CLTB: variants seen among roughly 807,000 people sequenced by gnomAD.
CLTB encodes clathrin, light chain (Lcb).
Under a neutral mutation model 30.5 loss-of-function variants are expected in CLTB, and 10 were observed. The ratio of observed to expected loss-of-function variants is 0.33; its 90% CI spans 0.20 to 0.56. CLTB has a LOEUF of 0.56. Ranked by LOEUF, CLTB falls within the 20% of genes least tolerant of loss-of-function variation. The probability of loss-of-function intolerance (pLI) is 0.91; values close to 1 mark genes in which losing one functional copy is unlikely to be tolerated. For synonymous variants in CLTB, 102 were observed against 120.3 expected (o/e 0.85, Z 1.00); for missense variants, 261 against 308.3 (o/e 0.85, Z 1.15).
Position 176,410,238 on chromosome 5 carries a change from G to A in CLTB, c.234+19C>T. 1 of 1,612,812 alleles carries A rather than the reference G, an allele frequency of 6.2e-7. No individual in the cohort carries two copies. On this transcript the variant is annotated intron_variant, in intron 2 of 5. Transcript: ENST00000310418. ...AGGGCTGTTGGTCCTTACCACTGCT[G>A]AGACAGAGCCTTGCTTACCTGAAAC...
intron 2 of CLTB, among the ~76,000 whole-genome samples, chr5:176,404,881 T>C (rs1757029068): frequency 6.6e-6 from 1 of 152,194 alleles, no homozygotes; most frequent in South Asian, 2.1e-4. Flanking sequence ...CAGAACCCCC[T>C]GCCAGTGTCC....
Position 176,397,950 on chromosome 5 carries a change from C to G in CLTB, c.332G>C (p.Arg111Thr). ...ESIRKWREEQ[R>T]KRLQELDAAS... ...CTCACCCAGCTCTTGCAGCCGTTTC[C>G]TCTGCTCCTCTCGCCACTTGCGGAT... Residue 111 changes from arginine to threonine, a missense_variant, in exon 3 of 6, where the codon AGG becomes ACG. Around this residue, in one of 3 missense-constraint regions of CLTB, gnomAD observed 123 missense variants for 157.0 expected, o/e 0.78. Coordinates refer to ENST00000310418, the MANE Select transcript of CLTB (RefSeq NM_007097.5). 1 of 1,614,026 alleles carries G rather than the reference C, an allele frequency of 6.2e-7. No individual in the cohort carries two copies. Among genetic ancestry groups the G allele is most frequent in the Non-Finnish European group, 8.5e-7 (1 of 1,180,028 alleles).
At chr5:176,406,359 C>T (rs892057996) in intron 2 of CLTB, 30 of 1,116,848 alleles carry the variant, frequency 2.7e-5, no homozygotes, top group Non-Finnish European at 3.2e-5. Context: ...TCCTGAGGGG[C>T]CCCTCTGCTG....
chr5:176,401,864 T>C (rs1476093530), intron 2 of CLTB: 2 of 438,774 alleles, frequency 4.6e-6, no homozygotes, highest in East Asian at 1.4e-4. Context: ...GGGCCTGTCA[T>C]CACAATCTCT....
In CLTB at chr5:176,398,032, C is replaced by T; in HGVS notation, c.250G>A (p.Ala84Thr). 6.2e-7 allele frequency: 1 copy of T among 1,614,004 alleles called. No homozygotes were observed. Among genetic ancestry groups the T allele is most frequent in the South Asian group, 1.1e-5 (1 of 91,092 alleles). Residue 84 changes from alanine (A) to threonine (T), a missense_variant, in exon 3 of 6, where the codon GCT (alanine) becomes ACT (threonine). Physicochemically the swap from Ala to Thr is moderately conservative, Grantham distance 58. Transcript: ENST00000310418. The part of the protein sequence containing the change: ...GDVFQEANGP[A>T]DGYAAIAQAD... ...TGGGCAATGGCTGCGTAGCCATCAGCAGGACCGTTGGCCTCCTAGAACACA... is the reference window on the plus strand; with the variant it reads ...TGGGCAATGGCTGCGTAGCCATCAGTAGGACCGTTGGCCTCCTAGAACACA...
chr5:176,406,721 G>C (rs766839366), intron 2 of CLTB: 55 of 1,281,358 alleles, frequency 4.3e-5, no homozygotes, highest in Middle Eastern at 2.3e-4. Context: ...GCAGAAAAGA[G>C]GAAGAAAGGA....
chr5:176,415,325 C>A (rs1045287043), intron 1 of CLTB, among the ~76,000 whole-genome samples: 3 of 152,202 alleles, frequency 2.0e-5, no homozygotes, highest in Non-Finnish European at 2.9e-5. Flanking sequence ...GTGTCTAACT[C>A]AGAGCCAGAC....
At position 176,393,133 on chromosome 5, in the gene CLTB, G is replaced by A. The variant is rs1173332851; in HGVS notation, c.519-188C>T. ...AGCTTGGTCCTGCCTCAGGACCTTG[G>A]CACTTGCTATCACCTCTTCCTGGAA... On this transcript the variant is annotated intron_variant, in intron 5 of 5. Coordinates refer to ENST00000310418, the MANE Select transcript of CLTB (RefSeq NM_007097.5). The surrounding 1 kb of genome is among the most constrained non-coding windows in gnomAD (Gnocchi z 4.4). Among the ~76,000 whole-genome samples, 1 of 152,100 alleles carries A rather than the reference G, an allele frequency of 6.6e-6. No homozygotes were observed. Among genetic ancestry groups the A allele is most frequent in the East Asian group, 1.9e-4 (1 of 5,186 alleles).
chr5:176,401,798 C>T (rs1756834315), intron 2 of CLTB: 1 of 455,822 alleles, frequency 2.2e-6, no homozygotes, highest in South Asian at 1.5e-5. Flanking sequence ...AGGCCCCAGC[C>T]TCCTGTTCGT....
At position 176,416,331 on chromosome 5, in the gene CLTB, CG is replaced by C; in HGVS notation, c.32del (p.Ser11TrpfsTer28). On this transcript the variant is annotated frameshift_variant, in exon 1 of 6. Coordinates refer to ENST00000310418, the MANE Select transcript of CLTB (RefSeq NM_007097.5). LOFTEE classifies it high-confidence loss of function. ...CCGCCGCCTCCGGGGCACCGCTCTC[CG>C]ACGACGAGAAGAAGCCAAAGTCATC... MADDFGFFSS[S>X]ESGAPEAAEE... 6.2e-7 allele frequency: 1 copy of C among 1,601,666 alleles called. No individual in the cohort carries two copies. The highest frequency in any genetic ancestry group is 8.5e-7 in the Non-Finnish European group (1 of 1,175,858).
chr5:176,410,397 T>C lies in CLTB; in HGVS notation c.188-94A>G, dbSNP rs1022205326. The C allele has an allele frequency of 3.5e-5, 32 of 919,640 alleles. 1 individual carries two copies. Among genetic ancestry groups the C allele is most frequent in the Admixed American group, 2.1e-4 (10 of 46,652 alleles). 57.0% of individuals were successfully genotyped at this position (919,640 alleles called of 1,614,324 possible). A position where few individuals can be genotyped will look rare whatever the true frequency, so the allele number is the denominator to read the frequency against. On this transcript the variant is annotated intron_variant, in intron 1 of 5. Transcript: ENST00000310418. ...TTAGCCCCTCAACCCAAACTCTGTG[T>C]ATACCCATGTATATATCGACCCACA...
intron 2 of CLTB, among the ~76,000 whole-genome samples, chr5:176,408,687 A>G (rs1217025159): frequency 6.6e-6 from 1 of 152,176 alleles, no homozygotes; most frequent in Non-Finnish European, 1.5e-5. Context: ...TGCCCCAGCT[A>G]ATTTTTCATT....
Position 176,410,313 on chromosome 5 carries a change from G to A in CLTB, c.188-10C>T. 1 of 1,613,180 alleles carries A rather than the reference G, an allele frequency of 6.2e-7. No individual in the cohort carries two copies. Among genetic ancestry groups the A allele is most frequent in the South Asian group, 1.1e-5 (1 of 90,980 alleles). ...ATGTCCTCAGAACCAGCTGGAAAGA[G>A]AACAAGGAGATAGCATTACTCACTG... On this transcript the variant is annotated splice_polypyrimidine_tract_variant and intron_variant, in intron 1 of 5. Coordinates refer to ENST00000310418, the MANE Select transcript of CLTB (RefSeq NM_007097.5).
At chr5:176,405,991 C>T (rs1024975698) in intron 2 of CLTB, among the ~76,000 whole-genome samples, 1 of 152,046 alleles carries the variant, frequency 6.6e-6, no homozygotes, top group Non-Finnish European at 1.5e-5. Flanking sequence ...CCTCCGTGCA[C>T]CATGACCAGG....
At chr5:176,397,559 C>T (rs1418078821) in intron 4 of CLTB, 48 bp downstream of exon 4, 3 of 1,020,454 alleles carry the variant, frequency 2.9e-6, no homozygotes, top group Non-Finnish European at 2.8e-6. Flanking sequence ...GTCCCCACAG[C>T]CCCCCTCATG....
At chr5:176,401,665 C>T (rs892899045) in intron 2 of CLTB, 17 of 450,754 alleles carry the variant, frequency 3.8e-5, no homozygotes, top group Non-Finnish European at 6.7e-5. Context: ...CTCCTGCAAT[C>T]GTCACTCACT....
At chr5:176,410,176 T>A (rs1757354052) in intron 2 of CLTB, 81 bp downstream of exon 2, 1 of 1,208,682 alleles carries the variant, frequency 8.3e-7, no homozygotes, top group Non-Finnish European at 1.2e-6. Flanking sequence ...CCTGGAGCTG[T>A]AAGCCTACAA....
In CLTB at chr5:176,410,306, G is replaced by A. The variant is rs1757360233; in HGVS notation, c.188-3C>T. On this transcript the variant is annotated splice_region_variant and splice_polypyrimidine_tract_variant and intron_variant, in intron 1 of 5. Coordinates refer to ENST00000310418, the MANE Select transcript of CLTB (RefSeq NM_007097.5). ...GGTCCCCATGTCCTCAGAACCAGCT[G>A]GAAAGAGAACAAGGAGATAGCATTA... The A allele has an allele frequency of 6.2e-7, 1 of 1,613,494 alleles. No homozygotes were observed. Among genetic ancestry groups the A allele is most frequent in the South Asian group, 1.1e-5 (1 of 91,030 alleles).
intron 4 of CLTB, 120 bp downstream of exon 4, chr5:176,397,487 T>G: frequency 1.3e-5 from 1 of 75,842 alleles, no homozygotes; most frequent in Non-Finnish European, 2.1e-5. Context: ...TCCCCACAGC[T>G]CCCTCATGTC....
Sources: gnomAD v4.1 joint callset for allele counts (sites outside exome capture counted in the v4.1 genomes callset) on GRCh38, gnomAD v4.1.1 for gene constraint, gnomAD v4.1.1 regional missense constraint, Gnocchi (gnomAD v3.1) non-coding constraint, MANE v1.5 for transcripts, NCBI Gene and HGNC (gene_info 2026-07-23, HGNC 2026-07-21) for gene names.